RIMS1: variants seen among roughly 807,000 people sequenced by gnomAD.
RIMS1 encodes the protein regulating synaptic membrane exocytosis protein 1.
Under a neutral mutation model 214.1 loss-of-function variants are expected in RIMS1, and 83 were observed. The observed-to-expected ratio is 0.39, with a 90% CI of 0.32 to 0.47. RIMS1 has a LOEUF of 0.47. RIMS1 is among the 20% of genes least tolerant of loss of function. The pLI is 0.99. For synonymous variants in RIMS1, 793 were observed against 786.8 expected, an observed-to-expected ratio of 1.01 and a Z score of -0.13; for missense variants, 2,050 against 2,161.8, an observed-to-expected ratio of 0.95 and a Z score of 1.03.
intron 2 of RIMS1, among the ~76,000 whole-genome samples, chr6:71,999,399 T>C (rs1363949614): frequency 6.6e-6 from 1 of 152,162 alleles, no homozygotes; most frequent in Non-Finnish European, 1.5e-5. Context: ...TAGTCCTGGC[T>C]ATTAGTTGGT....
chr6:71,916,447 A>C (rs746499617), intron 1 of RIMS1, among the ~76,000 whole-genome samples: 3 of 152,240 alleles, frequency 2.0e-5, no homozygotes, highest in Middle Eastern at 3.4e-3. Context: ...ACTTTTCTCT[A>C]TCTCTTCTAA....
chr6:71,918,065 T>C lies in RIMS1; in HGVS notation c.164+30878T>C, dbSNP rs958712102. Among the ~76,000 whole-genome samples, 99 of 152,042 alleles carry C rather than the reference T, an allele frequency of 6.5e-4. 1 individual carries two copies. The highest frequency in any genetic ancestry group is 2.6e-4 in the Admixed American group (4 of 15,250). ...AGTCGAATATTCAAGTTGGGGAGTTTAGGGAAGTATTTGGGGCTGGGGATA... is the reference window on the plus strand; with the variant it reads ...AGTCGAATATTCAAGTTGGGGAGTTCAGGGAAGTATTTGGGGCTGGGGATA... On this transcript the variant is annotated intron_variant, in intron 1 of 33. Coordinates refer to ENST00000521978, the MANE Select transcript of RIMS1 (RefSeq NM_014989.7).
intron 30 of RIMS1, among the ~76,000 whole-genome samples, chr6:72,391,518 T>A (rs1389257326): frequency 6.6e-6 from 1 of 152,174 alleles, no homozygotes; most frequent in East Asian, 1.9e-4. Context: ...CACATATAAA[T>A]TTTCCATAAT....
chr6:72,219,354 C>T (rs1281667108), intron 6 of RIMS1, among the ~76,000 whole-genome samples: 4 of 152,044 alleles, frequency 2.6e-5, no homozygotes, highest in Admixed American at 6.6e-5. Flanking sequence ...ACCTGCTTCA[C>T]GTAGGCCAAT....
At chr6:72,319,227 A>C (rs2096010797) in intron 28 of RIMS1, among the ~76,000 whole-genome samples, 1 of 152,124 alleles carries the variant, frequency 6.6e-6, no homozygotes, top group Non-Finnish European at 1.5e-5. Context: ...GAAAAATAAC[A>C]ATCAGGAACA....
At chr6:72,197,544 A>G (rs1451641142) in intron 6 of RIMS1, among the ~76,000 whole-genome samples, 1 of 152,144 alleles carries the variant, frequency 6.6e-6, no homozygotes, top group Admixed American at 6.6e-5. Context: ...TATTAAAGTT[A>G]TTAACAGAAC....
chr6:72,082,773 A>G (rs1232161772), intron 2 of RIMS1, among the ~76,000 whole-genome samples: 1 of 152,188 alleles, frequency 6.6e-6, no homozygotes, highest in Non-Finnish European at 1.5e-5. Flanking sequence ...AAGTGGCCAC[A>G]TAGAGACCCT....
At chr6:72,368,116 T>G (rs796702903) in intron 29 of RIMS1, among the ~76,000 whole-genome samples, 21 of 152,252 alleles carry the variant, frequency 1.4e-4, no homozygotes, top group African/African-American at 4.6e-4. Context: ...TTTGGTTTTA[T>G]GCCATCATTA....
chr6:72,187,544 T>C (rs2049336220), intron 6 of RIMS1, among the ~76,000 whole-genome samples: 1 of 146,388 alleles, frequency 6.8e-6, no homozygotes, highest in Admixed American at 7.0e-5. Flanking sequence ...TGATGTGATC[T>C]TGGCTCACTG....
rs145848739 is a variant in RIMS1, at chr6:72,124,614, C to T, written c.471+24628C>T. ...TTCTCCCCATCACTTTCAGGTACAC[C>T]AATCAAATGAAGATTTCATCTATTC... On this transcript the variant is annotated intron_variant, in intron 4 of 33. Coordinates refer to ENST00000521978, the MANE Select transcript of RIMS1 (RefSeq NM_014989.7). Among the ~76,000 whole-genome samples, 158 of 148,402 alleles carry T rather than the reference C, an allele frequency of 1.1e-3. 1 individual carries two copies. The East Asian group carries it at 0.026, about 25-fold the overall frequency.
chr6:72,144,533 G>A (rs1216789973), intron 4 of RIMS1, among the ~76,000 whole-genome samples: 2 of 152,088 alleles, frequency 1.3e-5, no homozygotes, highest in Non-Finnish European at 2.9e-5. Flanking sequence ...CTGCTGACAT[G>A]AACAGATAAT....
intron 1 of RIMS1, among the ~76,000 whole-genome samples, chr6:71,932,514 A>G (rs2150920281): frequency 6.6e-6 from 1 of 152,258 alleles, no homozygotes; most frequent in Non-Finnish European, 1.5e-5. Context: ...CAGGAAAAAT[A>G]ACTAATGGAT....
intron 1 of RIMS1, among the ~76,000 whole-genome samples, chr6:71,956,024 G>A (rs891580705): frequency 6.6e-6 from 1 of 152,022 alleles, no homozygotes; most frequent in Non-Finnish European, 1.5e-5. Context: ...AGGTAATTAT[G>A]TAGTATTAGA....
At chr6:72,272,359 A>C (rs890514671) in intron 22 of RIMS1, among the ~76,000 whole-genome samples, 1 of 152,262 alleles carries the variant, frequency 6.6e-6, no homozygotes, top group East Asian at 1.9e-4. Context: ...AACTTAAGTG[A>C]CATCTTTTCT....
intron 5 of RIMS1, among the ~76,000 whole-genome samples, chr6:72,181,393 G>C (rs1436948767): frequency 2.6e-5 from 4 of 152,232 alleles, no homozygotes; most frequent in African/African-American, 9.6e-5. Context: ...ACAAATTGTT[G>C]TGGGAGAAGA....
intron 2 of RIMS1, among the ~76,000 whole-genome samples, chr6:72,006,485 G>T (rs533845437): frequency 7.2e-4 from 109 of 152,268 alleles, no homozygotes; most frequent in African/African-American, 2.3e-3. Context: ...GTGGGTGCAG[G>T]ACAGTGGGTG....
At chr6:71,980,722 A>G (rs757156186) in intron 2 of RIMS1, among the ~76,000 whole-genome samples, 14 of 152,120 alleles carry the variant, frequency 9.2e-5, no homozygotes, top group Non-Finnish European at 2.1e-4. Context: ...GTAGATGATT[A>G]AAATAGATGA....
chr6:72,247,890 T>G, intron 11 of RIMS1, 125 bp from the exon 12 acceptor site: 1 of 652,296 alleles, frequency 1.5e-6, no homozygotes, highest in South Asian at 1.9e-5. Flanking sequence ...TCTATCCCAT[T>G]AAAAGTAGGT....
chr6:72,043,439 C>T (rs1279513063), intron 2 of RIMS1, among the ~76,000 whole-genome samples: 1 of 151,628 alleles, frequency 6.6e-6, no homozygotes, highest in Non-Finnish European at 1.5e-5. Flanking sequence ...TTCCTGATGA[C>T]CTGTGAGTGT....
Sources: allele counts gnomAD v4.1 joint callset (sites outside exome capture counted in the v4.1 genomes callset), GRCh38; gene constraint gnomAD v4.1.1; transcripts MANE v1.5; gene names NCBI Gene and HGNC (gene_info 2026-07-23, HGNC 2026-07-21).